NIPAL3: variants seen among roughly 807,000 people sequenced by gnomAD.
NIPAL3 encodes the protein NIPA like domain containing 3, also known as NIPA-like protein 3.
Under a neutral mutation model 47.2 loss-of-function variants are expected in NIPAL3, and 41 were observed. The observed-to-expected ratio is 0.87, with a 90% CI of 0.68 to 1.13. NIPAL3 has a LOEUF of 1.13. Among genes scored for constraint, NIPAL3 ranks in the 50% most tolerant of loss-of-function variants. The pLI is 0.00. For synonymous variants in NIPAL3, 194 were observed against 209.6 expected, an observed-to-expected ratio of 0.93 and a Z score of 0.64; for missense variants, 449 against 530.1, an observed-to-expected ratio of 0.85 and a Z score of 1.50.
intron 2 of NIPAL3, among the ~76,000 whole-genome samples, chr1:24,426,831 G>GGT (rs1340284379): frequency 6.6e-6 from 1 of 152,070 alleles, no homozygotes; most frequent in Non-Finnish European, 1.5e-5. Flanking sequence ...AACCTGATTG[G>GGT]GTGTTGCCTC....
Position 24,460,486 on chromosome 1 carries a change from A to G in NIPAL3, c.868A>G (p.Ile290Val), listed in dbSNP as rs1646419673. The G allele has an allele frequency of 4.4e-6, 7 of 1,588,188 alleles. No homozygotes were observed. The highest frequency in any genetic ancestry group is 6.0e-6 in the Non-Finnish European group (7 of 1,169,984). ...STTIAITAGAIFYLDFIGEDV... is the reference protein window; with the variant it reads ...STTIAITAGAVFYLDFIGEDV... ...TCTATGATTTGCTGCTGCAGGTGCA[A>G]TATTTTACCTGGACTTCATCGGGGA... The change falls in exon 10 of 12, where the codon ATA (isoleucine) becomes GTA (valine). Residue 290 changes from isoleucine to valine, a missense_variant. By Grantham distance (29) the Ile-to-Val change is conservative (BLOSUM62 3). Coordinates refer to ENST00000374399, the MANE Select transcript of NIPAL3 (RefSeq NM_020448.5).
chr1:24,436,522 CTT>C (rs1645114210), intron 2 of NIPAL3, among the ~76,000 whole-genome samples: 1 of 150,702 alleles, frequency 6.6e-6, no homozygotes, highest in South Asian at 2.1e-4. Context: ...GAGTTTCACT[CTT>C]GTCACCCAGG....
intron 10 of NIPAL3, among the ~76,000 whole-genome samples, chr1:24,461,762 G>C (rs550901539): frequency 6.6e-6 from 1 of 151,878 alleles, no homozygotes; most frequent in Non-Finnish European, 1.5e-5. Context: ...CCAGCTACTC[G>C]GGAGGCTGAG....
intron 4 of NIPAL3, among the ~76,000 whole-genome samples, chr1:24,444,151 T>A (rs28706006): frequency 4.6e-5 from 7 of 152,176 alleles, no homozygotes; most frequent in African/African-American, 1.4e-4. Flanking sequence ...TTATCACTTA[T>A]TGGATATCTA....
intron 5 of NIPAL3, among the ~76,000 whole-genome samples, chr1:24,446,608 A>G (rs960791676): frequency 6.6e-6 from 1 of 151,822 alleles, no homozygotes; most frequent in African/African-American, 2.4e-5. Context: ...ATATGATATC[A>G]TTTTTTTTGG....
intron 4 of NIPAL3, among the ~76,000 whole-genome samples, chr1:24,444,520 C>A (rs539050704): frequency 1.3e-5 from 2 of 152,226 alleles, no homozygotes; most frequent in South Asian, 4.2e-4. Context: ...GAGCTGGTGC[C>A]AGCTGGATCT....
In NIPAL3 at chr1:24,468,999, G is replaced by A. The variant is rs1207490053; in HGVS notation, c.1035G>A (p.Met345Ile). Residue 345 changes from methionine to isoleucine, a missense_variant, in exon 12 of 12, where the codon ATG becomes ATA. Coordinates refer to ENST00000374399, the MANE Select transcript of NIPAL3 (RefSeq NM_020448.5). ...SMDAMPGMQN[M>I]HDKGMTVQPE... ...ATTTCATTTCAGGTATGCAGAACAT[G>A]CACGATAAAGGGATGACTGTCCAGC... 3.7e-6 allele frequency: 6 copies of A among 1,614,010 alleles called. No individual in the cohort carries two copies. Among genetic ancestry groups the A allele is most frequent in the Non-Finnish European group, 4.2e-6 (5 of 1,180,014 alleles).
chr1:24,427,216 C>T (rs978207581), intron 2 of NIPAL3, among the ~76,000 whole-genome samples: 2 of 152,186 alleles, frequency 1.3e-5, no homozygotes, highest in African/African-American at 4.8e-5. Flanking sequence ...GGAGGAAGAG[C>T]TTGCTGGCAG....
intron 2 of NIPAL3, among the ~76,000 whole-genome samples, chr1:24,437,176 C>T (rs147779105): frequency 0.014 from 2,063 of 152,132 alleles, 50 homozygotes; most frequent in African/African-American, 0.047. Flanking sequence ...GGCGTGAACC[C>T]GGGAGGTGGA....
At chr1:24,436,008 G>A (rs941836393) in intron 2 of NIPAL3, among the ~76,000 whole-genome samples, 16 of 152,308 alleles carry the variant, frequency 1.1e-4, no homozygotes, top group African/African-American at 3.4e-4. Context: ...TGGAAGGGGC[G>A]AGCAGCCTCT....
intron 4 of NIPAL3, among the ~76,000 whole-genome samples, chr1:24,444,782 C>T (rs1645577820): frequency 6.6e-6 from 1 of 152,160 alleles, no homozygotes; most frequent in Non-Finnish European, 1.5e-5. Flanking sequence ...AGCCTGGCCT[C>T]CTGCAGTCCT....
intron 2 of NIPAL3, among the ~76,000 whole-genome samples, chr1:24,421,163 A>G (rs149944852): frequency 0.028 from 4,303 of 152,134 alleles, 194 homozygotes; most frequent in African/African-American, 0.098. Context: ...TACCAAAAAT[A>G]CAAAAAATTA....
chr1:24,419,599 A>G lies in NIPAL3; in HGVS notation c.52A>G (p.Ser18Gly), dbSNP rs1283695254. The G allele has an allele frequency of 6.2e-7, 1 of 1,614,094 alleles. No homozygotes were observed. Among genetic ancestry groups the G allele is most frequent in the Admixed American group, 1.7e-5 (1 of 60,020 alleles). The stretch of plus-strand genomic sequence containing the variant: ...GAAGCTGCAGCAGCTGCCTCCCACA[A>G]GTAGCTCCAGCGCCGTAAGCGAGGC... The part of the protein sequence containing the change: ...ALKLQQLPPT[S>G]SSSAVSEASF... Residue 18 changes from serine (S) to glycine (G), a missense_variant, in exon 2 of 12, where the codon AGT becomes GGT. By Grantham distance (56) the Ser-to-Gly change is moderately conservative (BLOSUM62 0). Coordinates refer to ENST00000374399, the MANE Select transcript of NIPAL3 (RefSeq NM_020448.5).
intron 2 of NIPAL3, among the ~76,000 whole-genome samples, chr1:24,426,273 C>G (rs891130525): frequency 1.3e-5 from 2 of 151,618 alleles, no homozygotes; most frequent in Non-Finnish European, 2.9e-5. Context: ...ATAGAGCCCC[C>G]TTTCATTCTC....
rs762007576 is a variant in NIPAL3 at position 24,464,061 on chromosome 1, C to T, written c.962C>T (p.Thr321Met). Residue 321 changes from threonine to methionine, a missense_variant, in exon 11 of 12, where the codon ACG becomes ATG. Thr to Met is a moderately conservative substitution (Grantham distance 81). Coordinates refer to ENST00000374399, the MANE Select transcript of NIPAL3 (RefSeq NM_020448.5). ...LIAFLGVFLI[T>M]RNRKKPIPFE... ...GCATTCTTGGGCGTCTTCTTAATCA[C>T]GCGTAACAGGAAGAAGCCCATTCCA... 16 of 1,613,146 alleles carry T rather than the reference C, an allele frequency of 9.9e-6. No individual in the cohort carries two copies. Among genetic ancestry groups the T allele is most frequent in the South Asian group, 2.2e-5 (2 of 90,972 alleles).
At chr1:24,443,040 A>G (rs991695700) in intron 4 of NIPAL3, among the ~76,000 whole-genome samples, 1 of 152,132 alleles carries the variant, frequency 6.6e-6, no homozygotes, top group Non-Finnish European at 1.5e-5. Context: ...TTGAGCTCAA[A>G]CTATCTGCCT....
At chr1:24,427,170 T>G (rs1644629110) in intron 2 of NIPAL3, among the ~76,000 whole-genome samples, 1 of 152,262 alleles carries the variant, frequency 6.6e-6, no homozygotes, top group Non-Finnish European at 1.5e-5. Context: ...GCAGCAGAAC[T>G]GGGCACCCGC....
At chr1:24,432,268 C>T (rs1271444316) in intron 2 of NIPAL3, among the ~76,000 whole-genome samples, 1 of 152,184 alleles carries the variant, frequency 6.6e-6, no homozygotes, top group African/African-American at 2.4e-5. Context: ...GCTGGAATTA[C>T]AGGCGTGTGC....
chr1:24,465,872 C>T (rs952725505), intron 11 of NIPAL3: 75 of 1,345,074 alleles, frequency 5.6e-5, no homozygotes, highest in Admixed American at 6.4e-5. Context: ...AAGTTTCACA[C>T]ACTTGTTTGA....
Sources: gnomAD v4.1 joint callset for allele counts (sites outside exome capture counted in the v4.1 genomes callset) on GRCh38, gnomAD v4.1.1 for gene constraint, MANE v1.5 for transcripts, NCBI Gene and HGNC (gene_info 2026-07-23, HGNC 2026-07-21) for gene names.